Variants in NEGR1 observed in about 807,000 individuals in gnomAD.
The protein encoded by NEGR1 is neuronal growth regulator 1, also known as IgLON family member 4.
A neutral mutation model predicts 40.9 loss-of-function variants in NEGR1; 10 were observed. The observed-to-expected ratio is 0.24, with a 90% CI of 0.15 to 0.42. The LOEUF is 0.42. Ranked by LOEUF, NEGR1 falls within the 10% of genes least tolerant of loss-of-function variation. The pLI is 1.00. For missense variants in NEGR1, 352 were observed against 438.9 expected, an observed-to-expected ratio of 0.80 and a Z score of 1.77; for synonymous variants, 185 against 166.8, an observed-to-expected ratio of 1.11 and a Z score of -0.84.
Position 71,788,529 on chromosome 1 carries a change from C to G in NEGR1, c.410-12232G>C, listed in dbSNP as rs567703359. Among the ~76,000 whole-genome samples the G allele has an allele frequency of 2.0e-3, 300 of 152,218 alleles. 1 individual carries two copies. Among genetic ancestry groups the G allele is most frequent in the African/African-American group, 7.0e-3 (290 of 41,544 alleles). ...AATTGTTTTATACTGGGGCTAGCTT[C>G]TGGGACTTATATTTAAATATAAATC... On this transcript the variant is annotated intron_variant, in intron 2 of 6. Coordinates refer to ENST00000357731, the MANE Select transcript of NEGR1 (RefSeq NM_173808.3).
intron 6 of NEGR1, among the ~76,000 whole-genome samples, chr1:71,587,898 G>A (rs1370097590): frequency 6.6e-6 from 1 of 152,086 alleles, no homozygotes; most frequent in African/African-American, 2.4e-5. Context: ...TAGGTCTCAG[G>A]AGAGGGTTGT....
intron 6 of NEGR1, among the ~76,000 whole-genome samples, chr1:71,556,915 G>GATGTA (rs1289967967): frequency 6.6e-6 from 1 of 151,608 alleles, no homozygotes; most frequent in Non-Finnish European, 1.5e-5. Flanking sequence ...ATAGCAAAAT[G>GATGTA]AAACACCTCA....
At chr1:71,476,564 G>A (rs1332442527) in intron 6 of NEGR1, among the ~76,000 whole-genome samples, 1 of 152,072 alleles carries the variant, frequency 6.6e-6, no homozygotes, top group Non-Finnish European at 1.5e-5. Flanking sequence ...GATTTAGGCT[G>A]TGGGCTTCAA....
chr1:72,143,870 T>C (rs1650778416), intron 1 of NEGR1, among the ~76,000 whole-genome samples: 1 of 139,878 alleles, frequency 7.1e-6, no homozygotes, highest in Admixed American at 7.7e-5. Flanking sequence ...ATATATCATA[T>C]ATATCATATA....
In NEGR1 at chr1:71,639,739, A is replaced by T. The variant is rs78268538; in HGVS notation, c.668-28593T>A. ...AATGTGGTATAGGCCCAACATGGGC[A>T]CATGTCATTAGTGCACCTGAGTACC... On this transcript the variant is annotated intron_variant, in intron 4 of 6. Coordinates refer to ENST00000357731, the MANE Select transcript of NEGR1 (RefSeq NM_173808.3). Among the ~76,000 whole-genome samples the T allele has an allele frequency of 3.8e-3, 580 of 152,150 alleles. 2 individuals are homozygous for T. Among genetic ancestry groups the T allele is most frequent in the South Asian group, 6.0e-3 (29 of 4,828 alleles).
chr1:71,858,975 G>A (rs780102832), intron 2 of NEGR1, among the ~76,000 whole-genome samples: 2 of 151,934 alleles, frequency 1.3e-5, no homozygotes, highest in Admixed American at 6.6e-5. Flanking sequence ...CTAGAAGGTC[G>A]TTCCTCCCTG....
chr1:71,941,257 C>G (rs1259444497), intron 1 of NEGR1, among the ~76,000 whole-genome samples: 1 of 151,996 alleles, frequency 6.6e-6, no homozygotes, highest in Non-Finnish European at 1.5e-5. Context: ...ATCCCAATTT[C>G]AAGACCAAAT....
chr1:72,007,838 T>A (rs1355630342), intron 1 of NEGR1, among the ~76,000 whole-genome samples: 1 of 152,154 alleles, frequency 6.6e-6, no homozygotes, highest in Non-Finnish European at 1.5e-5. Flanking sequence ...AATACAATAC[T>A]TTGCCTAAGG....
chr1:72,248,998 T>C (rs1315015382), intron 1 of NEGR1, among the ~76,000 whole-genome samples: 1 of 152,232 alleles, frequency 6.6e-6, no homozygotes, highest in Non-Finnish European at 1.5e-5. Context: ...TCAAATTAAA[T>C]ATGACATATT....
intron 1 of NEGR1, among the ~76,000 whole-genome samples, chr1:72,101,623 C>A (rs1557527047): frequency 6.7e-6 from 1 of 148,676 alleles, no homozygotes; most frequent in East Asian, 2.0e-4. Flanking sequence ...AGACTGTAGA[C>A]TTTTTTTTTT....
intron 1 of NEGR1, among the ~76,000 whole-genome samples, chr1:71,981,849 C>T (rs1489974182): frequency 6.6e-6 from 1 of 152,072 alleles, no homozygotes; most frequent in Non-Finnish European, 1.5e-5. Flanking sequence ...GAAACTTTCC[C>T]TACAGTTTAT....
chr1:71,472,496 T>C (rs529994150), intron 6 of NEGR1: 1 of 152,260 alleles, frequency 6.6e-6, no homozygotes, highest in South Asian at 2.1e-4. Flanking sequence ...AAAGACATAT[T>C]GATTTTTTCT....
chr1:72,148,598 A>G (rs1650999285), intron 1 of NEGR1, among the ~76,000 whole-genome samples: 4 of 152,128 alleles, frequency 2.6e-5, no homozygotes. Flanking sequence ...TTTCCCTTTT[A>G]AAATGGAAAG....
In NEGR1 at chr1:72,253,142, T is replaced by C. The variant is rs374324059; in HGVS notation, c.176+29177A>G. 2.2e-4 allele frequency among the ~76,000 whole-genome samples: 33 copies of C among 152,306 alleles called. No individual in the cohort carries two copies. The South Asian group carries it at 5.6e-3, about 26-fold the overall frequency. On this transcript the variant is annotated intron_variant, in intron 1 of 6. Transcript: ENST00000357731. ...CATGGCTTCAGAATTTGCACTGATT[T>C]GATGGACAGAGGGTTTTTTTAAGAT...
At chr1:71,939,926 C>T (rs978822405) in intron 1 of NEGR1, among the ~76,000 whole-genome samples, 2 of 152,098 alleles carry the variant, frequency 1.3e-5, no homozygotes, top group African/African-American at 4.8e-5. Context: ...GATGAAGAAG[C>T]AAAGGTACTG....
chr1:71,854,370 G>A (rs1397708191), intron 2 of NEGR1, among the ~76,000 whole-genome samples: 1 of 151,864 alleles, frequency 6.6e-6, no homozygotes. Context: ...AATATAGTAG[G>A]TCCTCAATAA....
intron 4 of NEGR1, among the ~76,000 whole-genome samples, chr1:71,688,355 TTA>T (rs1553158628): frequency 7.4e-5 from 3 of 40,506 alleles, no homozygotes; most frequent in South Asian, 8.6e-4. Context: ...GATAGATAGA[TTA>T]TATATATATG....
intron 2 of NEGR1, among the ~76,000 whole-genome samples, chr1:71,818,672 C>T (rs1179927449): frequency 6.6e-6 from 1 of 151,778 alleles, no homozygotes; most frequent in African/African-American, 2.4e-5. Flanking sequence ...ACATATGACT[C>T]TGAATCTAAA....
chr1:71,417,170 T>C lies in NEGR1; in HGVS notation c.941-9600A>G, dbSNP rs143717039. On this transcript the variant is annotated intron_variant, in intron 6 of 6. Coordinates refer to ENST00000357731, the MANE Select transcript of NEGR1 (RefSeq NM_173808.3). ...CTATACTTCATCTATATTTTACCTA[T>C]ACTTTATCACTCTCATGTGCATCTT... 9.6e-4 allele frequency among the ~76,000 whole-genome samples: 146 copies of C among 152,320 alleles called. 1 individual carries two copies. Among genetic ancestry groups the C allele is most frequent in the African/African-American group, 3.4e-3 (140 of 41,564 alleles).
Sources: allele counts gnomAD v4.1 joint callset (sites outside exome capture counted in the v4.1 genomes callset), GRCh38; gene constraint gnomAD v4.1.1; transcripts MANE v1.5; gene names NCBI Gene and HGNC (gene_info 2026-07-23, HGNC 2026-07-21).